Variants in ANK1 observed in about 807,000 individuals in gnomAD.
ANK1 encodes the protein ankyrin-1.
A neutral mutation model predicts 210.4 loss-of-function variants in ANK1; 51 were observed. The observed-to-expected ratio is 0.24, with a 90% CI of 0.19 to 0.31. ANK1 has a LOEUF of 0.31. Ranked by LOEUF, ANK1 falls within the 10% of genes least tolerant of loss-of-function variation. The pLI is 1.00. For synonymous variants in ANK1, 967 were observed against 1,025.9 expected, an observed-to-expected ratio of 0.94 and a Z score of 1.10; for missense variants, 2,051 against 2,504.4, an observed-to-expected ratio of 0.82 and a Z score of 3.86.
chr8:41,720,477 A>T (rs564076361), intron 9 of ANK1, among the ~76,000 whole-genome samples: 7 of 152,324 alleles, frequency 4.6e-5, no homozygotes, highest in African/African-American at 1.7e-4. Flanking sequence ...TGTTTAAAAA[A>T]CATAAAAGAG....
At chr8:41,667,129 G>A (rs927534633) in intron 39 of ANK1, among the ~76,000 whole-genome samples, 2 of 152,246 alleles carry the variant, frequency 1.3e-5, no homozygotes, top group Non-Finnish European at 2.9e-5. Flanking sequence ...AAACGGACGG[G>A]CCGCCTGTGG....
At chr8:41,736,338 G>A (rs1031608686) in intron 2 of ANK1, among the ~76,000 whole-genome samples, 3 of 152,254 alleles carry the variant, frequency 2.0e-5, no homozygotes, top group Admixed American at 6.5e-5. Context: ...TTTTCTGGAT[G>A]GGTCTGCAGG....
upstream of ANK1, among the ~76,000 whole-genome samples, chr8:41,799,082 T>C (rs534166443): frequency 1.1e-4 from 17 of 152,296 alleles, no homozygotes; most frequent in African/African-American, 4.1e-4. Flanking sequence ...ACATGTGGGC[T>C]AGAAGGAACC....
chr8:41,717,504 G>A (rs1828020984), intron 12 of ANK1, 100 bp downstream of exon 12: 22 of 1,138,462 alleles, frequency 1.9e-5, no homozygotes, highest in South Asian at 2.6e-5. Context: ...TCTGGGAATC[G>A]TAGCTCTGTC....
chr8:41,697,192 G>A (rs1474212302), intron 24 of ANK1, among the ~76,000 whole-genome samples: 1 of 152,232 alleles, frequency 6.6e-6, no homozygotes, highest in Non-Finnish European at 1.5e-5. Context: ...CCAGTTAGCT[G>A]TGGGCGGACT....
chr8:41,666,111 G>T (rs904957771), intron 39 of ANK1, among the ~76,000 whole-genome samples: 2 of 152,216 alleles, frequency 1.3e-5, no homozygotes, highest in Non-Finnish European at 2.9e-5. Flanking sequence ...GAAGGCTGGG[G>T]ACCTTCTCTG....
At chr8:41,740,593 G>C (rs1834544343) in intron 2 of ANK1, among the ~76,000 whole-genome samples, 1 of 151,974 alleles carries the variant, frequency 6.6e-6, no homozygotes, top group Non-Finnish European at 1.5e-5. Context: ...CCCCTCCCCT[G>C]GCTGAGGCAG....
intron 1 of ANK1, among the ~76,000 whole-genome samples, chr8:41,831,917 T>C (rs1487187987): frequency 2.0e-5 from 3 of 152,084 alleles, no homozygotes; most frequent in Admixed American, 6.5e-5. Flanking sequence ...GCTACACGGA[T>C]GCAAGGCCTT....
At chr8:41,870,839 G>A (rs1055097112) in intron 1 of ANK1, among the ~76,000 whole-genome samples, 3 of 152,202 alleles carry the variant, frequency 2.0e-5, no homozygotes, top group South Asian at 2.1e-4. Context: ...ATGTGGACAC[G>A]TGGTGCTGCT....
In ANK1 at chr8:41,661,950, G is replaced by A. The variant is rs1464169850; in HGVS notation, c.5479-9C>T. The A allele has an allele frequency of 3.1e-6, 5 of 1,613,016 alleles. No individual in the cohort carries two copies. The highest frequency in any genetic ancestry group is 4.2e-6 in the Non-Finnish European group (5 of 1,179,730). ...ACCACCTTGCGAATGATCTAGGAAAGGAAGGGAAGGAGGAAAGGGCTGGTC... is the reference window on the plus strand; with the variant it reads ...ACCACCTTGCGAATGATCTAGGAAAAGAAGGGAAGGAGGAAAGGGCTGGTC... On this transcript the variant is annotated splice_polypyrimidine_tract_variant and intron_variant, in intron 40 of 42. Coordinates refer to ENST00000289734, the MANE Select transcript of ANK1 (RefSeq NM_000037.4).
chr8:41,695,132 T>G, intron 27 of ANK1, 45 bp downstream of exon 27: 1 of 1,612,888 alleles, frequency 6.2e-7, no homozygotes, highest in Non-Finnish European at 8.5e-7. Flanking sequence ...CTCAAACCCC[T>G]CTTCCGCAAG....
chr8:41,741,451 T>C (rs1834773675), intron 2 of ANK1, among the ~76,000 whole-genome samples: 1 of 152,096 alleles, frequency 6.6e-6, no homozygotes, highest in South Asian at 2.1e-4. Flanking sequence ...CTGGGTGTGA[T>C]GGTTTTTAAT....
intron 1 of ANK1, among the ~76,000 whole-genome samples, chr8:41,833,363 G>T (rs1228770884): frequency 6.6e-6 from 1 of 152,206 alleles, no homozygotes; most frequent in East Asian, 1.9e-4. Context: ...AAACCCACGG[G>T]TCTGTGCAAT....
chr8:41,795,324 C>T (rs945964991), intron 1 of ANK1, among the ~76,000 whole-genome samples: 3 of 151,838 alleles, frequency 2.0e-5, no homozygotes, highest in Non-Finnish European at 4.4e-5. Flanking sequence ...ACCAGCCTGG[C>T]CAACATGGTG....
intron 1 of ANK1, among the ~76,000 whole-genome samples, chr8:41,847,082 G>A (rs1297446531): frequency 3.9e-5 from 6 of 152,306 alleles, no homozygotes; most frequent in African/African-American, 7.2e-5. Flanking sequence ...GATTTAGGCC[G>A]CAGAACAGAA....
chr8:41,719,199 C>T (rs1828558211), intron 10 of ANK1, among the ~76,000 whole-genome samples: 1 of 152,180 alleles, frequency 6.6e-6, no homozygotes, highest in Non-Finnish European at 1.5e-5. Context: ...TGGGCCTGAG[C>T]TTCCCTTTAC....
chr8:41,836,101 C>T (rs994158698), intron 1 of ANK1, among the ~76,000 whole-genome samples: 1 of 152,232 alleles, frequency 6.6e-6, no homozygotes, highest in African/African-American at 2.4e-5. Context: ...AGGGACGACA[C>T]AGCTGTCAGA....
At chr8:41,892,450 A>C (rs1819634138) in intron 1 of ANK1, among the ~76,000 whole-genome samples, 1 of 151,768 alleles carries the variant, frequency 6.6e-6, no homozygotes, top group Admixed American at 6.6e-5. Context: ...TTCTTCCTGC[A>C]CTCTTCCTCC....
At chr8:41,765,133 CTCTT>C (rs1437240948) in intron 1 of ANK1, among the ~76,000 whole-genome samples, 6 of 150,876 alleles carry the variant, frequency 4.0e-5, no homozygotes, top group African/African-American at 9.8e-5. Context: ...TTCTCTCTCT[CTCTT>C]TCTCTCTTTC....
Sources: gnomAD v4.1 joint callset for allele counts (sites outside exome capture counted in the v4.1 genomes callset) on GRCh38, gnomAD v4.1.1 for gene constraint, MANE v1.5 for transcripts, NCBI Gene and HGNC (gene_info 2026-07-23, HGNC 2026-07-21) for gene names.